The following TRIO variants were observed in gnomAD, a reference collection of about 807,000 sequenced individuals.
TRIO encodes the protein trio Rho guanine nucleotide exchange factor.
Under a neutral mutation model 351.9 loss-of-function variants are expected in TRIO, and 58 were observed. The observed-to-expected ratio is 0.16, with a 90% CI of 0.13 to 0.21. The LOEUF (loss-of-function observed/expected upper bound fraction) is 0.21. Ranked by LOEUF, TRIO falls within the 10% of genes least tolerant of loss-of-function variation. TRIO has a pLI of 1.00. For synonymous variants in TRIO, 1,758 were observed against 1,595.7 expected, an observed-to-expected ratio of 1.10 and a Z score of -2.42; for missense variants, 3,201 against 4,027.8, an observed-to-expected ratio of 0.79 and a Z score of 5.56.
At chr5:14,232,190 A>G (rs984186596) in intron 1 of TRIO, among the ~76,000 whole-genome samples, 1 of 152,078 alleles carries the variant, frequency 6.6e-6, no homozygotes, top group Non-Finnish European at 1.5e-5. Flanking sequence ...TGTTTTTGCC[A>G]CTGTTCTTGA....
intron 11 of TRIO, among the ~76,000 whole-genome samples, chr5:14,340,726 G>A (rs73748810): frequency 0.034 from 5,191 of 152,286 alleles, 325 homozygotes; most frequent in African/African-American, 0.12. Context: ...GCTGCCGGAA[G>A]TCTTGTTGAA....
At chr5:14,167,288 A>AGTAT (rs1202963622) in intron 1 of TRIO, among the ~76,000 whole-genome samples, 10 of 151,968 alleles carry the variant, frequency 6.6e-5, no homozygotes, top group African/African-American at 2.4e-4. Flanking sequence ...TTTTTACAGG[A>AGTAT]GTATGTTCCA....
At chr5:14,481,136 A>G (rs111501115) in intron 43 of TRIO, 98 bp from the exon 44 acceptor site, 1 of 1,316,546 alleles carries the variant, frequency 7.6e-7, no homozygotes, top group South Asian at 1.4e-5. Flanking sequence ...GACCAGCTTG[A>G]GTAACATAGT....
intron 18 of TRIO, 42 bp from the exon 19 acceptor site, chr5:14,374,187 A>G: frequency 6.5e-7 from 1 of 1,527,740 alleles, no homozygotes; most frequent in South Asian, 1.1e-5. Context: ...ACACGTTTGT[A>G]GAAGTCAAAT....
At chr5:14,434,010 G>C (rs1206117086) in intron 34 of TRIO, among the ~76,000 whole-genome samples, 1 of 151,964 alleles carries the variant, frequency 6.6e-6, no homozygotes, top group African/African-American at 2.4e-5. Context: ...CCTTTTTACT[G>C]CTTTTGTTTT....
chr5:14,498,023 A>T (rs994331074), intron 51 of TRIO, 66 bp from the exon 52 acceptor site: 47 of 1,611,570 alleles, frequency 2.9e-5, no homozygotes, highest in Non-Finnish European at 3.7e-5. Context: ...TCTGTCGGGG[A>T]CATGTGGGTG....
rs749657022 is a variant in TRIO, at chr5:14,482,714, C to T, written c.6598C>T (p.Pro2200Ser). 8 of 1,610,644 alleles carry T rather than the reference C, an allele frequency of 5.0e-6. No homozygotes were observed. The highest frequency in any genetic ancestry group is 3.3e-5 in the Admixed American group (2 of 59,736). The part of the protein sequence containing the change: ...LFEQIVIFSE[P>S]LDKKKGFSMP... ...TGAGCAGATCGTCATATTCAGCGAA[C>T]CACTTGATAAAAAGAAGGGCTTCTC... The change falls in exon 46 of 57, where the codon CCA becomes TCA. Residue 2200 changes from proline (P) to serine (S), a missense_variant. Transcript: ENST00000344204.
At chr5:14,151,104 G>A (rs1561138161) in intron 1 of TRIO, among the ~76,000 whole-genome samples, 1 of 152,286 alleles carries the variant, frequency 6.6e-6, no homozygotes, top group Admixed American at 6.5e-5. Flanking sequence ...AAGAAGTTTA[G>A]TTTCATCTGG....
intron 1 of TRIO, among the ~76,000 whole-genome samples, chr5:14,195,250 T>A (rs1581324160): frequency 6.6e-6 from 1 of 152,220 alleles, no homozygotes; most frequent in Non-Finnish European, 1.5e-5. Context: ...AATCAGGACC[T>A]TCACAGTTTT....
Position 14,316,752 on chromosome 5 carries a change from C to T in TRIO, c.1731+9C>T, listed in dbSNP as rs775804826. On this transcript the variant is annotated intron_variant, in intron 9 of 56. Coordinates refer to ENST00000344204, the MANE Select transcript of TRIO (RefSeq NM_007118.4). ...AGCAGGACGTTCAGCAGGTCAGTTTCGCCTCATGCCCTTCTGCATGGGAAA... is the reference window on the plus strand; with the variant it reads ...AGCAGGACGTTCAGCAGGTCAGTTTTGCCTCATGCCCTTCTGCATGGGAAA... The T allele has an allele frequency of 1.5e-5, 24 of 1,608,804 alleles. No individual in the cohort carries two copies. The highest frequency in any genetic ancestry group is 4.5e-5 in the East Asian group (2 of 44,526).
chr5:14,225,916 T>G (rs547270406), intron 1 of TRIO, among the ~76,000 whole-genome samples: 1 of 150,964 alleles, frequency 6.6e-6, no homozygotes, highest in Admixed American at 6.7e-5. Flanking sequence ...CAGGTTGAAC[T>G]AATGAATGAA....
chr5:14,236,797 A>G (rs1003948265), intron 1 of TRIO, among the ~76,000 whole-genome samples: 1 of 152,194 alleles, frequency 6.6e-6, no homozygotes, highest in Non-Finnish European at 1.5e-5. Context: ...TTGTGCAGCC[A>G]TCATCGCCAG....
At chr5:14,297,338 C>T in intron 7 of TRIO, 75 bp downstream of exon 7, 1 of 1,493,842 alleles carries the variant, frequency 6.7e-7, no homozygotes, top group Non-Finnish European at 9.0e-7. Context: ...GGTGTGTGTG[C>T]AAACACTCTT....
At chr5:14,415,238 A>G (rs1579588880) in intron 33 of TRIO, among the ~76,000 whole-genome samples, 1 of 152,270 alleles carries the variant, frequency 6.6e-6, no homozygotes, top group South Asian at 2.1e-4. Context: ...CCTGCAATTG[A>G]TCTTTACCAC....
intron 40 of TRIO, among the ~76,000 whole-genome samples, chr5:14,474,763 A>G (rs373334346): frequency 3.7e-4 from 57 of 152,260 alleles, no homozygotes; most frequent in African/African-American, 1.3e-3. Context: ...CCTGGGTTCA[A>G]GTAATCCTCC....
At chr5:14,264,636 G>A (rs1441997950) in intron 1 of TRIO, among the ~76,000 whole-genome samples, 2 of 152,058 alleles carry the variant, frequency 1.3e-5, no homozygotes, top group Non-Finnish European at 1.5e-5. Context: ...ATGTTCATTA[G>A]GGGATCTAGG....
At chr5:14,163,317 C>G (rs1646788222) in intron 1 of TRIO, among the ~76,000 whole-genome samples, 1 of 152,152 alleles carries the variant, frequency 6.6e-6, no homozygotes, top group African/African-American at 2.4e-5. Flanking sequence ...GATGGCTTCC[C>G]ACTTCATCCA....
At chr5:14,359,222 C>G in intron 12 of TRIO, 135 bp from the exon 13 acceptor site, 1 of 1,028,768 alleles carries the variant, frequency 9.7e-7, no homozygotes, top group Non-Finnish European at 1.4e-6. Flanking sequence ...AGGAGAGCAG[C>G]CCGTTCCATT....
chr5:14,183,741 C>T, intron 1 of TRIO: 1 of 486,784 alleles, frequency 2.1e-6, no homozygotes. Flanking sequence ...CTCCCGTTTG[C>T]TGAGGAGGGA....
Sources: gnomAD v4.1 joint callset for allele counts (sites outside exome capture counted in the v4.1 genomes callset) on GRCh38, gnomAD v4.1.1 for gene constraint, MANE v1.5 for transcripts, NCBI Gene and HGNC (gene_info 2026-07-23, HGNC 2026-07-21) for gene names.